CIMIP2A: variants seen among roughly 807,000 people sequenced by gnomAD.
CIMIP2A encodes the protein ciliary microtubule inner protein 2A, also known as family with sequence similarity 166 member A.
the CIMIP2A span, chr9:137,253,515 C>T: frequency 1.4e-6 from 2 of 1,419,708 alleles, no homozygotes; most frequent in South Asian, 3.1e-5. Flanking sequence ...TGTCCTTCAC[C>T]CGGGGGCGGT....
At chr9:137,244,418 CATCCCCCTACCCCCG>C in the CIMIP2A span, 1 of 1,549,318 alleles carries the variant, frequency 6.5e-7, no homozygotes. Context: ...CAGCCTTCTG[CATCCCCCTACCCCCG>C]ACTCCAAAAC....
At chr9:137,245,589 G>T in the CIMIP2A span, 3 of 1,613,638 alleles carry the variant, frequency 1.9e-6, no homozygotes, top group Non-Finnish European at 2.5e-6. Flanking sequence ...TGAGTGCCGG[G>T]ACAGGCAGGC....
the CIMIP2A span, among the ~76,000 whole-genome samples, chr9:137,248,732 G>A: frequency 6.6e-6 from 1 of 152,110 alleles, no homozygotes. Context: ...AGCCAGGCAT[G>A]GTGAATGTGC....
chr9:137,247,511 C>T, the CIMIP2A span: 1 of 725,280 alleles, frequency 1.4e-6, no homozygotes, highest in Non-Finnish European at 2.2e-6. Context: ...CTCCCCAGCC[C>T]ACAGACTGCA....
At chr9:137,245,768 C>T in the CIMIP2A span, 2 of 1,559,886 alleles carry the variant, frequency 1.3e-6, no homozygotes, top group Non-Finnish European at 8.7e-7. Context: ...CTCTTCTGCA[C>T]ACTGGGGTCT....
chr9:137,246,068 T>A, the CIMIP2A span, among the ~76,000 whole-genome samples: 1 of 152,208 alleles, frequency 6.6e-6, no homozygotes, highest in Non-Finnish European at 1.5e-5. Flanking sequence ...ACACACCACA[T>A]GCTGGGAACA....
the CIMIP2A span, chr9:137,245,103 C>A: frequency 6.2e-7 from 1 of 1,609,482 alleles, no homozygotes; most frequent in South Asian, 1.1e-5. Context: ...GATGGCCTTG[C>A]GTTGGATTAG....
chr9:137,243,703 T>C, the CIMIP2A span: 6 of 1,614,158 alleles, frequency 3.7e-6, no homozygotes, highest in South Asian at 2.2e-5. Flanking sequence ...AGCATTTTCA[T>C]AGTGTGTGGT....
chr9:137,252,156 G>T, the CIMIP2A span: 1 of 1,595,970 alleles, frequency 6.3e-7, no homozygotes, highest in South Asian at 1.1e-5. Flanking sequence ...CCTCCCTGAG[G>T]CCCAACCACC....
the CIMIP2A span, chr9:137,253,075 C>G: frequency 6.5e-7 from 1 of 1,541,800 alleles, no homozygotes; most frequent in East Asian, 2.3e-5. Context: ...TGAGTTGGGG[C>G]TGCTACCTGG....
the CIMIP2A span, chr9:137,244,236 T>C: frequency 1.2e-6 from 2 of 1,613,860 alleles, no homozygotes; most frequent in Non-Finnish European, 1.7e-6. Flanking sequence ...GCTGGGCCAG[T>C]GTGTTCCAGG....
chr9:137,252,318 T>A, the CIMIP2A span: 1 of 1,318,632 alleles, frequency 7.6e-7, no homozygotes, highest in Non-Finnish European at 1.1e-6. Flanking sequence ...GGGGCATGGG[T>A]GGACATTGTG....
At chr9:137,244,651 G>A in the CIMIP2A span, 2 of 1,613,818 alleles carry the variant, frequency 1.2e-6, no homozygotes, top group Non-Finnish European at 1.7e-6. Context: ...CCTGGCTCTT[G>A]TCGAATTCGT....
chr9:137,247,609 C>A, the CIMIP2A span: 1 of 1,564,232 alleles, frequency 6.4e-7, no homozygotes, highest in Non-Finnish European at 8.8e-7. Context: ...CAGCCATTCT[C>A]CCCCTCCTGC....
At chr9:137,251,219 C>T in the CIMIP2A span, 5 of 1,112,360 alleles carry the variant, frequency 4.5e-6, no homozygotes, top group South Asian at 6.2e-5. Flanking sequence ...GTCCCAGCAA[C>T]AGAGGGGCCT....
chr9:137,251,965 A>G, the CIMIP2A span: 2 of 1,601,146 alleles, frequency 1.2e-6, no homozygotes, highest in African/African-American at 1.3e-5. Flanking sequence ...GCCCGCTGAA[A>G]GGAGCCCAGG....
the CIMIP2A span, chr9:137,247,787 G>C: frequency 6.8e-7 from 1 of 1,466,466 alleles, no homozygotes; most frequent in Non-Finnish European, 9.4e-7. Context: ...GGGGAGTCCT[G>C]TCACCGGGCA....
the CIMIP2A span, among the ~76,000 whole-genome samples, chr9:137,248,497 C>T: frequency 0.67 from 99,539 of 147,690 alleles, 34,184 homozygotes; most frequent in Admixed American, 0.77. Context: ...GAGCTGAGAT[C>T]GTGCCACTGC....
chr9:137,244,195 G>A, the CIMIP2A span: 5 of 1,613,924 alleles, frequency 3.1e-6, no homozygotes, highest in South Asian at 1.1e-5. Context: ...ATGTAGAAGG[G>A]GATCAGGCCT....
Sources: gnomAD v4.1 joint callset for allele counts (sites outside exome capture counted in the v4.1 genomes callset) on GRCh38, gnomAD v4.1.1 for gene constraint, MANE v1.5 for transcripts, NCBI Gene and HGNC (gene_info 2026-07-23, HGNC 2026-07-21) for gene names.